CCKAR: variants seen among roughly 807,000 people sequenced by gnomAD.
CCKAR encodes cholecystokinin A receptor.
A neutral mutation model predicts 29.8 loss-of-function variants in CCKAR; 21 were observed. That is an observed-to-expected ratio of 0.70 (90% CI 0.50 to 1.01). CCKAR has a LOEUF of 1.01. Ranked by LOEUF, CCKAR falls within the 50% of genes least tolerant of loss-of-function variation. The pLI, the probability that CCKAR is intolerant of heterozygous loss-of-function variation, is 0.00. For missense variants in CCKAR, 570 were observed against 560.6 expected (o/e 1.02, Z -0.17); for synonymous variants, 238 against 221.3 (o/e 1.08, Z -0.67).
In CCKAR at chr4:26,481,725, C is replaced by G; in HGVS notation, c.1200G>C (p.Val400=). 2 of 1,614,216 alleles carry G rather than the reference C, an allele frequency of 1.2e-6. No individual in the cohort carries two copies. The highest frequency in any genetic ancestry group is 1.7e-6 in the Non-Finnish European group (2 of 1,180,028). Reference sequence around the variant, plus strand: ...TGGTCCCGCCTTCCTCCTCCTCCCCCACCTCTCCCCTCGCCCCTGGGGGAC... The same window carrying G: ...TGGTCCCGCCTTCCTCCTCCTCCCCGACCTCTCCCCTCGCCCCTGGGGGAC... ...NPGPPGARGE[V]GEEEEGGTTG... Residue 400 remains valine (V), a synonymous_variant, in exon 5 of 5, where the codon GTG becomes GTC. Transcript: ENST00000295589.
Position 26,489,346 on chromosome 4 carries a change from G to C in CCKAR, c.251C>G (p.Ala84Gly). 1.2e-6 allele frequency: 2 copies of C among 1,614,202 alleles called. No homozygotes were observed. Among genetic ancestry groups the C allele is most frequent in the Non-Finnish European group, 1.7e-6 (2 of 1,180,044 alleles). ...TVTNIFLLSL[A>G]VSDLMLCLFC... ...GAGACAGAGCATGAGGTCGCTGACA[G>C]CCAGGGAGAGGAGGAAGATGTTGGT... The change falls in exon 2 of 5, where the codon GCT becomes GGT. Residue 84 changes from alanine (A) to glycine (G), a missense_variant. Transcript: ENST00000295589.
chr4:26,483,013 G>A lies in CCKAR; in HGVS notation c.754+143C>T, dbSNP rs1414908948. On this transcript the variant is annotated intron_variant, in intron 4 of 4. Coordinates refer to ENST00000295589, the MANE Select transcript of CCKAR (RefSeq NM_000730.3). ...AAAATGAAATACTGGGCCCGTGACT[G>A]TGCTTCTTGACACAGAATCTCATAA... 3 of 772,818 alleles carry A rather than the reference G, an allele frequency of 3.9e-6. No homozygotes were observed. In the African/African-American group the frequency reaches 5.2e-5, roughly 13 times the overall value. The allele number at this position is 772,818 out of a possible 1,614,324, so 47.9% of individuals were successfully genotyped here. A position where few individuals can be genotyped will look rare whatever the true frequency, so the allele number is the denominator to read the frequency against.
In CCKAR at chr4:26,481,980, G is replaced by A. The variant is rs200493978; in HGVS notation, c.945C>T (p.Leu315=). 43 of 1,614,138 alleles carry A rather than the reference G, an allele frequency of 2.7e-5. No homozygotes were observed. Among genetic ancestry groups the A allele is most frequent in the Non-Finnish European group, 3.6e-5 (42 of 1,180,052 alleles). Residue 315 remains leucine (L), a synonymous_variant, in exon 5 of 5, where the codon CTC becomes CTT. Coordinates refer to ENST00000295589, the MANE Select transcript of CCKAR (RefSeq NM_000730.3). The stretch of plus-strand genomic sequence containing the variant: ...GGAAGAAGAGGACCACGATGACGAT[G>A]AGCATGCGGATCACCCTTTTCTTGG... ...LMAKKRVIRM[L]IVIVVLFFLC...
Position 26,490,347 on chromosome 4 carries a change from G to T in CCKAR, c.-80C>A. On this transcript the variant is annotated 5_prime_UTR_variant, in exon 1 of 5. Transcript: ENST00000295589. The stretch of plus-strand genomic sequence containing the variant: ...GGCTCATTCCTCTAATGACCGAAGC[G>T]TCTCGCAGATGCAACCTGCCGTGGA... The T allele has an allele frequency of 2.1e-6, 2 of 956,102 alleles. No homozygotes were observed. Among genetic ancestry groups the T allele is most frequent in the African/African-American group, 1.6e-5 (1 of 62,476 alleles). The allele number at this position is 956,102 out of a possible 1,614,324, so 59.2% of individuals were successfully genotyped here.
At chr4:26,482,741 G>A (rs1737375152) in intron 4 of CCKAR, among the ~76,000 whole-genome samples, 1 of 152,168 alleles carries the variant, frequency 6.6e-6, no homozygotes, top group Admixed American at 6.5e-5. Context: ...AAGGAGAGAG[G>A]ATGAGGAGGA....
At chr4:26,487,819 T>C (rs1737477770) in intron 2 of CCKAR, among the ~76,000 whole-genome samples, 1 of 152,212 alleles carries the variant, frequency 6.6e-6, no homozygotes. Flanking sequence ...CAAATAGTAT[T>C]ACCATAAGAT....
intron 4 of CCKAR, 59 bp downstream of exon 4, chr4:26,483,097 T>C (rs1307537165): frequency 9.6e-6 from 15 of 1,570,456 alleles, no homozygotes; most frequent in Non-Finnish European, 1.2e-5. Flanking sequence ...TCTATTTAAA[T>C]GATAGAAAAC....
Position 26,481,950 on chromosome 4 carries a change from G to T in CCKAR, c.975C>A (p.Cys325Ter), listed in dbSNP as rs200130774. 1.3e-4 allele frequency: 205 copies of T among 1,614,270 alleles called. 2 individuals are homozygous for T. The South Asian group carries it at 2.2e-3, about 17-fold the overall frequency. The stretch of plus-strand genomic sequence containing the variant: ...CGTTGGCGCTGAAGATGGGCATCCA[G>T]CACAGGAAGAAGAGGACCACGATGA... ...LIVIVVLFFL[C>*]WMPIFSANAW... The change falls in exon 5 of 5, where the codon TGC (cysteine) becomes TGA (stop). Residue 325 changes from cysteine to a stop codon, truncating the protein, a stop_gained. Transcript: ENST00000295589. LOFTEE classifies it high-confidence loss of function.
chr4:26,481,737 C>A lies in CCKAR; in HGVS notation c.1188G>T (p.Ala396=). 4 of 1,614,202 alleles carry A rather than the reference C, an allele frequency of 2.5e-6. No individual in the cohort carries two copies. The highest frequency in any genetic ancestry group is 3.4e-6 in the Non-Finnish European group (4 of 1,180,012). The change falls in exon 5 of 5, where the codon GCG becomes GCT. Residue 396 remains alanine (A), a synonymous_variant. Transcript: ENST00000295589. ...PCCPNPGPPG[A]RGEVGEEEEG... Reference sequence around the variant, plus strand: ...CCTCCTCCTCCCCCACCTCTCCCCTCGCCCCTGGGGGACCAGGATTGGGGC... The same window carrying A: ...CCTCCTCCTCCCCCACCTCTCCCCTAGCCCCTGGGGGACCAGGATTGGGGC...
Position 26,490,229 on chromosome 4 carries a change from G to A in CCKAR, c.39C>T (p.Asn13=), listed in dbSNP as rs765785446. ...VVDSLLVNGS[N]ITPPCELGLE... is the part of the protein sequence containing the mutation. ...GCCCGAGTTCACAGGGAGGAGTGAT[G>A]TTGCTTCCATTCACAAGAAGGCTGT... The change falls in exon 1 of 5, where the codon AAC becomes AAT. Residue 13 remains asparagine, a synonymous_variant. Coordinates refer to ENST00000295589, the MANE Select transcript of CCKAR (RefSeq NM_000730.3). 20 of 1,613,548 alleles carry A rather than the reference G, an allele frequency of 1.2e-5. No homozygotes were observed. Among genetic ancestry groups the A allele is most frequent in the South Asian group, 5.5e-5 (5 of 91,060 alleles).
rs78496927 is a variant in CCKAR at position 26,485,813 on chromosome 4, C to T, written c.450G>A (p.Arg150=). 464 of 1,613,984 alleles carry T rather than the reference C, an allele frequency of 2.9e-4. 1 individual carries two copies. Among genetic ancestry groups the T allele is most frequent in the Non-Finnish European group, 3.6e-4 (429 of 1,179,948 alleles). The stretch of plus-strand genomic sequence containing the variant: ...AAGCATGGGATTTTGTCTGCCAGAC[C>T]CGGGACTGTAAGGGTTTGCAAATCG... The part of the protein sequence containing the change: ...YGAICKPLQS[R]VWQTKSHALK... The change falls in exon 3 of 5, where the codon CGG becomes CGA. Residue 150 remains arginine, a synonymous_variant. Coordinates refer to ENST00000295589, the MANE Select transcript of CCKAR (RefSeq NM_000730.3).
chr4:26,489,360 G>A lies in CCKAR; in HGVS notation c.237C>T (p.Phe79=). ...NKRMRTVTNI[F]LLSLAVSDLM... ...GGTCGCTGACAGCCAGGGAGAGGAG[G>A]AAGATGTTGGTGACCGTCCGCATCC... The change falls in exon 2 of 5, where the codon TTC becomes TTT. Residue 79 remains phenylalanine (F), a synonymous_variant. Transcript: ENST00000295589. 6.2e-7 allele frequency: 1 copy of A among 1,614,180 alleles called. No homozygotes were observed. Among genetic ancestry groups the A allele is most frequent in the Non-Finnish European group, 8.5e-7 (1 of 1,180,042 alleles).
Position 26,481,591 on chromosome 4 carries a change from C to G in CCKAR, c.*47G>C. On this transcript the variant is annotated 3_prime_UTR_variant, in exon 5 of 5. Coordinates refer to ENST00000295589, the MANE Select transcript of CCKAR (RefSeq NM_000730.3). ...GATCTCTTCTTCCGTTCTTTCTTCTCTGCCTCCTCCCTGCCTTCCTTCTGC... is the reference window on the plus strand; with the variant it reads ...GATCTCTTCTTCCGTTCTTTCTTCTGTGCCTCCTCCCTGCCTTCCTTCTGC... 6.3e-7 allele frequency: 1 copy of G among 1,598,134 alleles called. No homozygotes were observed. Among genetic ancestry groups the G allele is most frequent in the African/African-American group, 1.3e-5 (1 of 74,712 alleles).
rs750962915 is a variant in CCKAR, at chr4:26,481,410, T to A, written c.*228A>T. ...CTGAGGATTTTCTGATGGTGAGTGT[T>A]ACTTAACATATCCTGCTTTGAACTG... On this transcript the variant is annotated 3_prime_UTR_variant, in exon 5 of 5. Transcript: ENST00000295589. 9 of 586,996 alleles carry A rather than the reference T, an allele frequency of 1.5e-5. No homozygotes were observed. Among genetic ancestry groups the A allele is most frequent in the Non-Finnish European group, 2.7e-5 (9 of 332,052 alleles). 36.4% of individuals were successfully genotyped at this position (586,996 alleles called of 1,614,324 possible). A position where few individuals can be genotyped will look rare whatever the true frequency, so the allele number is the denominator to read the frequency against.
At chr4:26,484,533 T>G (rs1737410126) in intron 3 of CCKAR, among the ~76,000 whole-genome samples, 2 of 152,222 alleles carry the variant, frequency 1.3e-5, no homozygotes, top group African/African-American at 4.8e-5. Flanking sequence ...TTTTAAAATA[T>G]CCACATTGTT....
chr4:26,490,440 C>T lies in CCKAR; in HGVS notation c.-173G>A, dbSNP rs2109882182. The T allele has an allele frequency of 1.8e-6, 1 of 568,508 alleles. No homozygotes were observed. 35.2% of individuals were successfully genotyped at this position (568,508 alleles called of 1,614,324 possible). A position where few individuals can be genotyped will look rare whatever the true frequency, so the allele number is the denominator to read the frequency against. On this transcript the variant is annotated 5_prime_UTR_variant, in exon 1 of 5. In the 5' UTR this introduces an upstream ATG that the reference lacks. Coordinates refer to ENST00000295589, the MANE Select transcript of CCKAR (RefSeq NM_000730.3). ...CATTCCTAAAGGCGACTTGAGTTCA[C>T]CTCACTCACTCCAGCATTTGTACTC...
intron 2 of CCKAR, among the ~76,000 whole-genome samples, chr4:26,486,312 G>A (rs1217607579): frequency 1.3e-5 from 2 of 152,190 alleles, no homozygotes; most frequent in Non-Finnish European, 2.9e-5. Context: ...TTTAAAACCC[G>A]AGATTCTCAA....
intron 2 of CCKAR, among the ~76,000 whole-genome samples, chr4:26,488,247 C>A (rs937423398): frequency 6.6e-6 from 1 of 152,062 alleles, no homozygotes; most frequent in African/African-American, 2.4e-5. Context: ...TTTTGTTCAA[C>A]TTTAAGAGAA....
chr4:26,489,384 C>G lies in CCKAR; in HGVS notation c.213G>C (p.Arg71=), dbSNP rs752493682. 2 of 1,614,180 alleles carry G rather than the reference C, an allele frequency of 1.2e-6. No individual in the cohort carries two copies. Among genetic ancestry groups the G allele is most frequent in the South Asian group, 2.2e-5 (2 of 91,078 alleles). ...GGAAGATGTTGGTGACCGTCCGCAT[C>G]CGCTTGTTCCGAATCAGCACGGTGA... is the stretch of plus-strand genomic sequence containing the variant. ...LVITVLIRNK[R]MRTVTNIFLL... The change falls in exon 2 of 5, where the codon CGG becomes CGC. Residue 71 remains arginine, a synonymous_variant. Coordinates refer to ENST00000295589, the MANE Select transcript of CCKAR (RefSeq NM_000730.3).
Sources: gnomAD v4.1 joint callset for allele counts (sites outside exome capture counted in the v4.1 genomes callset) on GRCh38, gnomAD v4.1.1 for gene constraint, MANE v1.5 for transcripts, NCBI Gene and HGNC (gene_info 2026-07-23, HGNC 2026-07-21) for gene names.